C2CD2L: variants seen among roughly 807,000 people sequenced by gnomAD.
C2CD2L encodes phospholipid transfer protein C2CD2L.
In C2CD2L, 24 loss-of-function variants were observed where a neutral mutation model predicts 69.9. The ratio of observed to expected loss-of-function variants is 0.34; its 90% CI spans 0.25 to 0.48. The LOEUF is 0.48. Among genes scored for constraint, C2CD2L ranks in the 20% least tolerant of loss-of-function variants. The pLI is 0.99. For missense variants in C2CD2L, 811 were observed against 941.5 expected (o/e 0.86, Z 1.81); for synonymous variants, 367 against 391.0 (o/e 0.94, Z 0.72).
intron 7 of C2CD2L, 122 bp from the exon 8 acceptor site, chr11:119,112,206 T>C (rs539773821): frequency 1.6e-5 from 13 of 818,978 alleles, no homozygotes; most frequent in Admixed American, 2.8e-5. Context: ...GAGAATCTGA[T>C]TGGAGCATTT....
upstream of C2CD2L, among the ~76,000 whole-genome samples, chr11:119,103,423 G>A (rs1237991339): frequency 1.3e-5 from 2 of 152,188 alleles, no homozygotes; most frequent in African/African-American, 2.4e-5. Context: ...GAGGCCGGGC[G>A]CAGTGGCTAA....
chr11:119,112,115 T>G, intron 7 of C2CD2L: 2 of 557,300 alleles, frequency 3.6e-6, no homozygotes, highest in Non-Finnish European at 6.4e-6. Flanking sequence ...CCAGGGAGGA[T>G]TTGAATGCAT....
At chr11:119,104,213 A>C (rs553054057), upstream of C2CD2L, among the ~76,000 whole-genome samples, 71 of 152,314 alleles carry the variant, frequency 4.7e-4, 1 homozygote, top group South Asian at 0.015. Context: ...GGCAGCATTC[A>C]GTTATCTTGT....
Position 119,108,021 on chromosome 11 carries a change from G to C in C2CD2L, c.280G>C (p.Ala94Pro), listed in dbSNP as rs1256249236. 2 of 1,597,848 alleles carry C rather than the reference G, an allele frequency of 1.3e-6. No individual in the cohort carries two copies. Among genetic ancestry groups the C allele is most frequent in the South Asian group, 2.2e-5 (2 of 90,528 alleles). Residue 94 changes from alanine (A) to proline (P), a missense_variant, in exon 1 of 14, where the codon GCC becomes CCC. By Grantham distance (27) the Ala-to-Pro change is conservative. Coordinates refer to ENST00000648610, the MANE Select transcript of C2CD2L (RefSeq NM_001290474.2). ...GVRGLLASLF[A>P]FKSFRENWQR... The stretch of plus-strand genomic sequence containing the variant: ...CCGGGGCCTCCTGGCGTCACTCTTC[G>C]CCTTCAAGTCTTTCCGGGAGAACTG...
chr11:119,103,556 G>A (rs540489728), upstream of C2CD2L, among the ~76,000 whole-genome samples: 27 of 152,258 alleles, frequency 1.8e-4, no homozygotes, highest in African/African-American at 6.5e-4. Context: ...AATTAGCCGG[G>A]TGTGGTGGCA....
Position 119,116,210 on chromosome 11 carries a change from T to G in C2CD2L, c.2075T>G (p.Phe692Cys). 6.2e-7 allele frequency: 1 copy of G among 1,614,230 alleles called. No individual in the cohort carries two copies. Among genetic ancestry groups the G allele is most frequent in the Admixed American group, 1.7e-5 (1 of 60,028 alleles). The change falls in exon 14 of 14, where the codon TTC (phenylalanine) becomes TGC (cysteine). Residue 692 changes from phenylalanine (F) to cysteine (C), a missense_variant. Transcript: ENST00000648610. ...CGCCGCCTTATCAAGCGCTTTTCCT[T>G]CAAATCCAAACCCAAGGCCAATGGT... The part of the protein sequence containing the change: ...FSRRLIKRFS[F>C]KSKPKANGNP...
Position 119,114,097 on chromosome 11 carries a change from C to T in C2CD2L, c.1641C>T (p.Asp547=), listed in dbSNP as rs199873574. 1.3e-4 allele frequency: 210 copies of T among 1,614,090 alleles called. No homozygotes were observed. Among genetic ancestry groups the T allele is most frequent in the Middle Eastern group, 4.9e-4 (3 of 6,062 alleles). ...SGVSKVPIAQ[D]ELALSLGYAA... Reference sequence around the variant, plus strand: ...CCTGCCAGGTGCCCATTGCTCAGGACGAGTTGGCGCTATCCCTGGGCTATG... The same window carrying T: ...CCTGCCAGGTGCCCATTGCTCAGGATGAGTTGGCGCTATCCCTGGGCTATG... Residue 547 remains aspartate, a synonymous_variant, in exon 13 of 14, where the codon GAC becomes GAT. Transcript: ENST00000648610. The surrounding 1 kb of genome is among the most constrained non-coding windows in gnomAD (Gnocchi z 5.1).
Position 119,111,558 on chromosome 11 carries a change from C to G in C2CD2L, c.948C>G (p.Asn316Lys). Residue 316 changes from asparagine to lysine, a missense_variant, in exon 7 of 14, where the codon AAC (asparagine) becomes AAG (lysine). Asn to Lys is a moderately conservative substitution (Grantham distance 94). Transcript: ENST00000648610. ...EELCCVAELDNPMQQKWTKPA... is the reference protein window; with the variant it reads ...EELCCVAELDKPMQQKWTKPA... Reference sequence around the variant, plus strand: ...TGTGCTGTGTAGCTGAACTCGACAACCCCATGCAGCAGAAGTGGACCAAGC... The same window carrying G: ...TGTGCTGTGTAGCTGAACTCGACAAGCCCATGCAGCAGAAGTGGACCAAGC... 6.2e-7 allele frequency: 1 copy of G among 1,614,190 alleles called. No individual in the cohort carries two copies.
rs1285241444 is a variant in C2CD2L at position 119,110,033 on chromosome 11, G to C, written c.355-71G>C. On this transcript the variant is annotated intron_variant, in intron 1 of 13. Coordinates refer to ENST00000648610, the MANE Select transcript of C2CD2L (RefSeq NM_001290474.2). The surrounding 1 kb of genome is among the most constrained non-coding windows in gnomAD (Gnocchi z 5.7). ...CCTCCGCAGTGGCAGAGTCCAGCCA[G>C]CAACTGAGCAGGCCAACCCTGTGGG... The C allele has an allele frequency of 2.7e-6, 3 of 1,107,520 alleles. No homozygotes were observed. The highest frequency in any genetic ancestry group is 4.2e-6 in the Non-Finnish European group (3 of 720,176). The allele number at this position is 1,107,520 out of a possible 1,614,324, so 68.6% of individuals were successfully genotyped here.
In C2CD2L at chr11:119,111,066, A is replaced by G; in HGVS notation, c.696A>G (p.Gln232=). The change falls in exon 5 of 14, where the codon CAA becomes CAG. Residue 232 remains glutamine, a synonymous_variant. Transcript: ENST00000648610. Reference sequence around the variant, plus strand: ...TCTCTCTGCAGAGAGGTGAAGAACAAGTGGAGCTCTCCACAATTGAGGAAC... The same window carrying G: ...TCTCTCTGCAGAGAGGTGAAGAACAGGTGGAGCTCTCCACAATTGAGGAAC... ...KLQARERGEE[Q]VELSTIEELI... is the part of the protein sequence containing the mutation. 1 of 1,614,022 alleles carries G rather than the reference A, an allele frequency of 6.2e-7. No individual in the cohort carries two copies. Among genetic ancestry groups the G allele is most frequent in the Non-Finnish European group, 8.5e-7 (1 of 1,179,920 alleles).
In C2CD2L at chr11:119,117,106, A is replaced by G. The variant is rs533848723; in HGVS notation, c.*850A>G. 3.3e-5 allele frequency: 5 copies of G among 152,784 alleles called. No homozygotes were observed. Among genetic ancestry groups the G allele is most frequent in the African/African-American group, 1.2e-4 (5 of 41,568 alleles). The allele number at this position is 152,784 out of a possible 1,614,324, so 9.5% of individuals were successfully genotyped here. On this transcript the variant is annotated 3_prime_UTR_variant, in exon 14 of 14. Transcript: ENST00000648610. ...CTTGGAATTTAATTTATTAAAGTCA[A>G]ATTGGAGTTTATAAACTGGACAACT...
Position 119,112,827 on chromosome 11 carries a change from C to T in C2CD2L, c.1340C>T (p.Thr447Ile), listed in dbSNP as rs1178492504. 8.1e-6 allele frequency: 13 copies of T among 1,614,082 alleles called. No individual in the cohort carries two copies. The highest frequency in any genetic ancestry group is 1.7e-4 in the Middle Eastern group (1 of 6,058). ...ATCATGCCCGATGGCACCATTGTCA[C>T]CACAGTCACCACTGTCCAGTCCCGG... is the stretch of plus-strand genomic sequence containing the variant. Reference protein sequence around the residue: ...RTIMPDGTIVTTVTTVQSRPR... With the variant: ...RTIMPDGTIVITVTTVQSRPR... Residue 447 changes from threonine (T) to isoleucine (I), a missense_variant, in exon 10 of 14, where the codon ACC (threonine) becomes ATC (isoleucine). Transcript: ENST00000648610.
chr11:119,106,838 T>A (rs1946600870), upstream of C2CD2L: 1 of 152,384 alleles, frequency 6.6e-6, no homozygotes, highest in Non-Finnish European at 1.5e-5. Flanking sequence ...GTGGGGGGAA[T>A]TCAAATTCGG....
At position 119,110,055 on chromosome 11, in the gene C2CD2L, T is replaced by A. The variant is rs369715662; in HGVS notation, c.355-49T>A. On this transcript the variant is annotated intron_variant, in intron 1 of 13. Coordinates refer to ENST00000648610, the MANE Select transcript of C2CD2L (RefSeq NM_001290474.2). This position sits in a 1 kb window ranked among gnomAD's most constrained non-coding sequence, Gnocchi z 5.7. ...CCAGCAACTGAGCAGGCCAACCCTG[T>A]GGGGGGCAGCTCCAGAGACCTGATC... 5 of 1,374,236 alleles carry A rather than the reference T, an allele frequency of 3.6e-6. No individual in the cohort carries two copies. In the African/African-American group the frequency reaches 4.3e-5, roughly 12 times the overall value. The allele number at this position is 1,374,236 out of a possible 1,614,324, so 85.1% of individuals were successfully genotyped here.
Position 119,112,612 on chromosome 11 carries a change from G to A in C2CD2L, c.1212+3G>A, listed in dbSNP as rs752828682. The A allele has an allele frequency of 8.1e-6, 13 of 1,608,282 alleles. No homozygotes were observed. In the South Asian group the frequency reaches 1.4e-4, roughly 18 times the overall value. On this transcript the variant is annotated splice_donor_region_variant and intron_variant, in intron 9 of 13. Coordinates refer to ENST00000648610, the MANE Select transcript of C2CD2L (RefSeq NM_001290474.2). ...CAGCAGCCACCATGGCAGTGGAGGT[G>A]AGAAGCTGACCCCTGGGGTAGGTGG... is the stretch of plus-strand genomic sequence containing the variant.
rs966325412 is a variant in C2CD2L at position 119,107,396 on chromosome 11, C to G, written c.-346C>G. On this transcript the variant is annotated 5_prime_UTR_variant, in exon 1 of 14. Transcript: ENST00000648610. This position sits in a 1 kb window ranked among gnomAD's most constrained non-coding sequence, Gnocchi z 5.4. ...GCAGCCCTCCCGGAGCCGGTGCCGG[C>G]CCGCGAGCCCCAGCGTCTCTGCAGA... The G allele has an allele frequency of 5.1e-6, 1 of 196,816 alleles. No individual in the cohort carries two copies. Among genetic ancestry groups the G allele is most frequent in the Non-Finnish European group, 1.0e-5 (1 of 97,614 alleles). 12.2% of individuals were successfully genotyped at this position (196,816 alleles called of 1,614,324 possible). A position where few individuals can be genotyped will look rare whatever the true frequency, so the allele number is the denominator to read the frequency against.
chr11:119,112,918 G>A lies in C2CD2L; in HGVS notation c.1387+44G>A, dbSNP rs182195674. 450 of 1,554,144 alleles carry A rather than the reference G, an allele frequency of 2.9e-4. 2 individuals are homozygous for A. In the Admixed American group the frequency reaches 7.0e-3, roughly 24 times the overall value. On this transcript the variant is annotated intron_variant, in intron 10 of 13. Coordinates refer to ENST00000648610, the MANE Select transcript of C2CD2L (RefSeq NM_001290474.2). ...GGAGCCCAGCTCTAGCCAGGGGCCC[G>A]GGACTGCAGACCCAAGGCAGGACAG...
intron 10 of C2CD2L, 85 bp downstream of exon 10, chr11:119,112,959 C>G: frequency 8.8e-7 from 1 of 1,139,014 alleles, no homozygotes; most frequent in Non-Finnish European, 1.3e-6. Flanking sequence ...GAGGAGAGAG[C>G]CTTAATTCCA....
At chr11:119,113,367 G>A (rs946701755) in intron 10 of C2CD2L, 17 of 530,276 alleles carry the variant, frequency 3.2e-5, no homozygotes, top group African/African-American at 7.6e-5. Flanking sequence ...CTCTGTCCCC[G>A]CTCCATATTT....
Sources: allele counts gnomAD v4.1 joint callset (sites outside exome capture counted in the v4.1 genomes callset), GRCh38; gene constraint gnomAD v4.1.1; non-coding constraint Gnocchi (gnomAD v3.1); transcripts MANE v1.5; gene names NCBI Gene and HGNC (gene_info 2026-07-23, HGNC 2026-07-21).